Variants in TMPRSS11F observed in about 807,000 individuals in gnomAD.
The protein encoded by TMPRSS11F is transmembrane serine protease 11F, also known as transmembrane protease serine 11F.
Under a neutral mutation model 60.2 loss-of-function variants are expected in TMPRSS11F, and 47 were observed. That is an observed-to-expected ratio of 0.78 (90% CI 0.62 to 1.00). The LOEUF (loss-of-function observed/expected upper bound fraction) is 1.00, where lower values mean the gene tolerates loss of function less well. Among genes scored for constraint, TMPRSS11F ranks in the 50% least tolerant of loss-of-function variants. The pLI, the probability that TMPRSS11F is intolerant of heterozygous loss-of-function variation, is 0.00. For missense variants in TMPRSS11F, 519 were observed against 522.9 expected, an observed-to-expected ratio of 0.99 and a Z score of 0.07; for synonymous variants, 166 against 167.3, an observed-to-expected ratio of 0.99 and a Z score of 0.06.
chr4:68,099,256 C>G (rs1332498983), intron 1 of TMPRSS11F, among the ~76,000 whole-genome samples: 7 of 152,188 alleles, frequency 4.6e-5, no homozygotes, highest in African/African-American at 1.7e-4. Flanking sequence ...TGTTGACATT[C>G]AAGTGAGGAT....
chr4:68,058,231 C>T (rs1284137196), intron 9 of TMPRSS11F, among the ~76,000 whole-genome samples: 1 of 152,156 alleles, frequency 6.6e-6, no homozygotes, highest in African/African-American at 2.4e-5. Context: ...TTTTAGATGT[C>T]TATCACAGAG....
chr4:68,093,032 T>C (rs1723977583), intron 2 of TMPRSS11F, among the ~76,000 whole-genome samples: 1 of 152,210 alleles, frequency 6.6e-6, no homozygotes, highest in Admixed American at 6.5e-5. Flanking sequence ...AACATGATAT[T>C]TGCCATTTAT....
intron 1 of TMPRSS11F, among the ~76,000 whole-genome samples, chr4:68,111,603 C>T (rs543030551): frequency 6.6e-6 from 1 of 152,256 alleles, no homozygotes; most frequent in South Asian, 2.1e-4. Context: ...TCTTCATCAA[C>T]TTGAAACTAT....
intron 2 of TMPRSS11F, among the ~76,000 whole-genome samples, chr4:68,092,572 C>T (rs7665380): frequency 0.42 from 64,157 of 151,898 alleles, 14,364 homozygotes; most frequent in Non-Finnish European, 0.52. Context: ...CTGATGGATG[C>T]GTGGATGAAT....
intron 9 of TMPRSS11F, 27 bp from the exon 10 acceptor site, chr4:68,054,094 T>C (rs1341308794): frequency 6.2e-7 from 1 of 1,600,008 alleles, no homozygotes. Context: ...TTTTAAATTG[T>C]TAACTCTACT....
chr4:68,095,895 C>CAAAAAAAAAAAAAAAAAAAAAAAAAAAA (rs56309846), intron 2 of TMPRSS11F, among the ~76,000 whole-genome samples: 2 of 83,556 alleles, frequency 2.4e-5, no homozygotes, highest in African/African-American at 4.6e-5. Flanking sequence ...GATTCCATCT[C>CAAAAAAAAAAAAAAAAAAAAAAAAAAAA]AAAAAAAAAA....
rs1355799748 is a variant in TMPRSS11F, at chr4:68,129,866, T to C, written c.-46A>G. 1.2e-6 allele frequency: 2 copies of C among 1,604,890 alleles called. No individual in the cohort carries two copies. Among genetic ancestry groups the C allele is most frequent in the African/African-American group, 1.3e-5 (1 of 74,708 alleles). On this transcript the variant is annotated 5_prime_UTR_variant, in exon 1 of 10. It adds an upstream start codon to the 5' untranslated region. Coordinates refer to ENST00000356291, the MANE Select transcript of TMPRSS11F (RefSeq NM_207407.2). ...TTCTATTCAGTCACCATCTGATCTG[T>C]ATCAGCAGGTTAGGACTTGGAGGCT...
chr4:68,088,664 G>T (rs1226986474), intron 3 of TMPRSS11F, among the ~76,000 whole-genome samples: 1 of 152,136 alleles, frequency 6.6e-6, no homozygotes, highest in Non-Finnish European at 1.5e-5. Flanking sequence ...CTCAGGAAAT[G>T]TAAAATAACA....
intron 9 of TMPRSS11F, among the ~76,000 whole-genome samples, chr4:68,057,355 C>T (rs984900851): frequency 1.1e-4 from 16 of 145,850 alleles, no homozygotes; most frequent in Admixed American, 6.8e-4. Context: ...CAAAAAGAAA[C>T]TCAAAATGGA....
intron 1 of TMPRSS11F, among the ~76,000 whole-genome samples, chr4:68,105,375 A>G (rs1474903507): frequency 1.3e-5 from 2 of 152,078 alleles, no homozygotes; most frequent in African/African-American, 2.4e-5. Flanking sequence ...TAAACAGAAA[A>G]CGTCCGTATA....
intron 3 of TMPRSS11F, among the ~76,000 whole-genome samples, chr4:68,074,315 T>C (rs75551993): frequency 6.6e-6 from 1 of 152,162 alleles, no homozygotes; most frequent in African/African-American, 2.4e-5. Flanking sequence ...TACAGTTGAT[T>C]TGAGAATTAA....
At chr4:68,101,138 T>A (rs1340741571) in intron 1 of TMPRSS11F, among the ~76,000 whole-genome samples, 2 of 152,136 alleles carry the variant, frequency 1.3e-5, no homozygotes, top group African/African-American at 2.4e-5. Flanking sequence ...AGGGACTTTT[T>A]AAAAAATCAT....
rs1319564003 is a variant in TMPRSS11F, at chr4:68,090,556, C to T, written c.249G>A (p.Glu83=). 1.3e-6 allele frequency: 2 copies of T among 1,598,802 alleles called. No homozygotes were observed. Among genetic ancestry groups the T allele is most frequent in the East Asian group, 4.5e-5 (2 of 44,482 alleles). The change falls in exon 3 of 10, where the codon GAG becomes GAA. Residue 83 remains glutamate (E), a synonymous_variant. Transcript: ENST00000356291. ...CAATCTGATGACTCCTTTCTATAAA[C>T]TCTCTTGAAGATCTTATGCCATAAT... The part of the protein sequence containing the change: ...KENYGIRSSR[E]FIERSHQIER...
intron 1 of TMPRSS11F, among the ~76,000 whole-genome samples, chr4:68,105,231 T>C (rs1331932410): frequency 6.6e-6 from 1 of 152,042 alleles, no homozygotes. Flanking sequence ...ATTGTGTTTG[T>C]TATTTAGTTC....
intron 8 of TMPRSS11F, chr4:68,061,938 C>G: frequency 2.3e-6 from 1 of 429,660 alleles, no homozygotes; most frequent in South Asian, 1.7e-5. Flanking sequence ...TGTATGAAAA[C>G]GAATGCTTGT....
chr4:68,115,228 G>T (rs1724491919), intron 1 of TMPRSS11F, among the ~76,000 whole-genome samples: 1 of 150,874 alleles, frequency 6.6e-6, no homozygotes, highest in African/African-American at 2.4e-5. Context: ...GTGATGGCGG[G>T]CGCCTGTAGT....
intron 7 of TMPRSS11F, among the ~76,000 whole-genome samples, chr4:68,065,273 C>T (rs1307290319): frequency 6.6e-6 from 1 of 152,086 alleles, no homozygotes; most frequent in East Asian, 1.9e-4. Flanking sequence ...GAGGCATTTT[C>T]TCTCCATGTC....
At chr4:68,096,561 A>T (rs981293395) in intron 2 of TMPRSS11F, among the ~76,000 whole-genome samples, 2 of 152,150 alleles carry the variant, frequency 1.3e-5, no homozygotes, top group African/African-American at 4.8e-5. Flanking sequence ...ATATCTGAAG[A>T]TGTATTCCTG....
chr4:68,067,929 G>A (rs576060279), intron 7 of TMPRSS11F, among the ~76,000 whole-genome samples: 1 of 152,332 alleles, frequency 6.6e-6, no homozygotes, highest in East Asian at 1.9e-4. Flanking sequence ...CCTCAGGGAA[G>A]AAAGATGGTG....
Sources: gnomAD v4.1 joint callset for allele counts (sites outside exome capture counted in the v4.1 genomes callset) on GRCh38, gnomAD v4.1.1 for gene constraint, MANE v1.5 for transcripts, NCBI Gene and HGNC (gene_info 2026-07-23, HGNC 2026-07-21) for gene names.